Variants in TBL1X observed in about 807,000 individuals in gnomAD.
TBL1X encodes F-box-like/WD repeat-containing protein TBL1X.
In TBL1X, 10 loss-of-function variants were observed where a neutral mutation model predicts 50.7. The ratio of observed to expected loss-of-function variants is 0.20; its 90% CI spans 0.12 to 0.33. The LOEUF is 0.33. Among genes scored for constraint, TBL1X ranks in the 10% least tolerant of loss-of-function variants. TBL1X has a pLI of 1.00. For synonymous variants in TBL1X, 190 were observed against 214.7 expected (o/e 0.88, Z 1.01); for missense variants, 340 against 504.4 (o/e 0.67, Z 3.12).
chrX:9,480,757 A>AACCC (rs2081877214), intron 1 of TBL1X, among the ~76,000 whole-genome samples: 3 of 46,900 alleles, frequency 6.4e-5, no homozygotes, highest in African/African-American at 1.4e-4. Flanking sequence ...AAATTAAGCC[A>AACCC]CCCCCCCCCC....
intron 6 of TBL1X, among the ~76,000 whole-genome samples, chrX:9,687,222 G>A (rs1408877378): frequency 9.7e-6 from 1 of 103,397 alleles, no homozygotes; most frequent in African/African-American, 3.4e-5. Context: ...GAGAATCAAA[G>A]AATGGTCAAA....
chrX:9,502,689 T>C (rs938324004), intron 2 of TBL1X, among the ~76,000 whole-genome samples: 14 of 112,549 alleles, frequency 1.2e-4, no homozygotes, highest in Admixed American at 5.6e-4. Context: ...GCAGGGACCA[T>C]TTTTATTTCT....
chrX:9,528,015 C>T (rs1415112885), intron 2 of TBL1X, among the ~76,000 whole-genome samples: 1 of 111,070 alleles, frequency 9.0e-6, no homozygotes, highest in Non-Finnish European at 1.9e-5. Flanking sequence ...AAACTCCTGG[C>T]CTCAAGCATT....
At chrX:9,685,722 T>TC (rs1222899472) in intron 6 of TBL1X, among the ~76,000 whole-genome samples, 2 of 92,331 alleles carry the variant, frequency 2.2e-5, no homozygotes. Flanking sequence ...CTTTTCTTTT[T>TC]TTTTTTTTTT....
At chrX:9,473,852 A>T (rs1488035650) in intron 1 of TBL1X, among the ~76,000 whole-genome samples, 1 of 112,787 alleles carries the variant, frequency 8.9e-6, no homozygotes, top group Non-Finnish European at 1.9e-5. Context: ...CGTGAAAATA[A>T]GAATGAATAA....
intron 12 of TBL1X, among the ~76,000 whole-genome samples, chrX:9,700,251 G>A (rs1400101943): frequency 8.9e-6 from 1 of 112,354 alleles, no homozygotes; most frequent in South Asian, 3.7e-4. Context: ...GACCCCGGGG[G>A]GTGAGGCAGG....
intron 5 of TBL1X, among the ~76,000 whole-genome samples, chrX:9,679,410 T>C (rs912118167): frequency 1.3e-4 from 14 of 111,237 alleles, no homozygotes; most frequent in African/African-American, 4.3e-4. Context: ...GAAGCCCTGC[T>C]GTCAAGAGAT....
chrX:9,536,986 A>C (rs923048984), intron 2 of TBL1X, among the ~76,000 whole-genome samples: 3 of 111,883 alleles, frequency 2.7e-5, no homozygotes, highest in East Asian at 5.6e-4. Flanking sequence ...TAAGTTACCA[A>C]TCCTTCTTTT....
chrX:9,709,819 C>A lies in TBL1X; in HGVS notation c.1439+59C>A, dbSNP rs1601856199. Reference sequence around the variant, plus strand: ...TGTTACACAAAGACAACAGGAAATTCTGCTAAAGCGCGTCCATGCACGTGT... The same window carrying A: ...TGTTACACAAAGACAACAGGAAATTATGCTAAAGCGCGTCCATGCACGTGT... On this transcript the variant is annotated intron_variant, in intron 15 of 17. Coordinates refer to ENST00000645353, the MANE Select transcript of TBL1X (RefSeq NM_005647.4). 5 of 1,180,859 alleles carry A rather than the reference C, an allele frequency of 4.2e-6. No homozygotes were observed. In the East Asian group the frequency reaches 1.5e-4, roughly 36 times the overall value.
intron 5 of TBL1X, among the ~76,000 whole-genome samples, chrX:9,670,350 C>T (rs1370862587): frequency 9.0e-6 from 1 of 111,072 alleles, no homozygotes; most frequent in Non-Finnish European, 1.9e-5. Context: ...ATCTCCAACC[C>T]AACCAGTCAG....
At chrX:9,578,948 A>G (rs1205791102) in intron 2 of TBL1X, among the ~76,000 whole-genome samples, 1 of 112,011 alleles carries the variant, frequency 8.9e-6, no homozygotes, top group Non-Finnish European at 1.9e-5. Flanking sequence ...AAAATAAGCT[A>G]TTTGGCAAAC....
chrX:9,533,418 C>T (rs1047804209), intron 2 of TBL1X, among the ~76,000 whole-genome samples: 2 of 111,890 alleles, frequency 1.8e-5, no homozygotes, highest in Admixed American at 1.9e-4. Context: ...ACACAAAATT[C>T]CATAAACATA....
Position 9,568,874 on chromosome X carries a change from C to T in TBL1X, c.-131+67025C>T, listed in dbSNP as rs1431243774. ...TGTGGTGTGCTATGTGTGTTGTGTC[C>T]GTCTGTGCACCTTGCTGTGCATGTT... On this transcript the variant is annotated intron_variant, in intron 2 of 17. Coordinates refer to ENST00000645353, the MANE Select transcript of TBL1X (RefSeq NM_005647.4). Among the ~76,000 whole-genome samples the T allele has an allele frequency of 1.5e-4, 15 of 101,401 alleles. No homozygotes were observed. In the Admixed American group the frequency reaches 1.6e-3, roughly 11 times the overall value. 88.1% of individuals were successfully genotyped at this position (101,401 alleles called of 115,157 possible). A position where few individuals can be genotyped will look rare whatever the true frequency, so the allele number is the denominator to read the frequency against.
intron 2 of TBL1X, among the ~76,000 whole-genome samples, chrX:9,607,764 TTTC>T (rs1448531883): frequency 9.0e-6 from 1 of 111,647 alleles, no homozygotes; most frequent in Non-Finnish European, 1.9e-5. Context: ...GAGGATGGCT[TTTC>T]TTTTTTCTTT....
intron 3 of TBL1X, among the ~76,000 whole-genome samples, chrX:9,647,203 T>TA (rs773437753): frequency 0.011 from 1,236 of 110,078 alleles, 26 homozygotes; most frequent in African/African-American, 0.039. Flanking sequence ...AACCAAGGCT[T>TA]AAAAAAAAAT....
chrX:9,594,711 A>G (rs893089017), intron 2 of TBL1X, among the ~76,000 whole-genome samples: 2 of 112,428 alleles, frequency 1.8e-5, no homozygotes, highest in African/African-American at 6.5e-5. Context: ...TTCTGGAGCC[A>G]GATATTTTAG....
chrX:9,504,762 A>G (rs2521378), intron 2 of TBL1X, among the ~76,000 whole-genome samples: 45,737 of 110,744 alleles, frequency 0.41, 7,277 homozygotes, highest in Admixed American at 0.55. Flanking sequence ...CATGCAGACA[A>G]GAATAGAGAA....
intron 2 of TBL1X, among the ~76,000 whole-genome samples, chrX:9,537,022 G>A (rs2082191699): frequency 9.0e-6 from 1 of 111,672 alleles, no homozygotes; most frequent in African/African-American, 3.3e-5. Context: ...TTACTGTAAG[G>A]TCAATCCACT....
chrX:9,541,668 A>T (rs1007578403), intron 2 of TBL1X, among the ~76,000 whole-genome samples: 4 of 112,442 alleles, frequency 3.6e-5, no homozygotes, highest in Non-Finnish European at 7.5e-5. Context: ...TATGTGTGAA[A>T]GTGAGTGTGT....
Sources: gnomAD v4.1 joint callset for allele counts (sites outside exome capture counted in the v4.1 genomes callset) on GRCh38, gnomAD v4.1.1 for gene constraint, MANE v1.5 for transcripts, NCBI Gene and HGNC (gene_info 2026-07-23, HGNC 2026-07-21) for gene names.